The following PDE5A variants were observed in gnomAD, a reference collection of about 807,000 sequenced individuals.
PDE5A encodes phosphodiesterase 5A, also known as cGMP-specific 3',5'-cyclic phosphodiesterase.
In PDE5A, 67 loss-of-function variants were observed where a neutral mutation model predicts 110.2. That is an observed-to-expected ratio of 0.61 (90% CI 0.50 to 0.75). The LOEUF (loss-of-function observed/expected upper bound fraction) is 0.75, where lower values mean the gene tolerates loss of function less well. PDE5A is among the 30% of genes least tolerant of loss of function. PDE5A has a pLI of 0.00. For missense variants in PDE5A, 862 were observed against 1,045.1 expected (o/e 0.82, Z 2.42); for synonymous variants, 328 against 351.2 (o/e 0.93, Z 0.74).
chr4:119,606,975 T>A lies in PDE5A; in HGVS notation c.475A>T (p.Ile159Phe). The A allele has an allele frequency of 6.2e-7, 1 of 1,614,176 alleles. No individual in the cohort carries two copies. Among genetic ancestry groups the A allele is most frequent in the Non-Finnish European group, 8.5e-7 (1 of 1,180,036 alleles). Reference sequence around the variant, plus strand: ...GCTGTGACATCCAAATGACTAGAAATATCCTTCACTAATTCCAAGAGTCTT... The same window carrying A: ...GCTGTGACATCCAAATGACTAGAAAAATCCTTCACTAATTCCAAGAGTCTT... ...CSRLLELVKD[I>F]SSHLDVTALC... Residue 159 changes from isoleucine to phenylalanine, a missense_variant, in exon 2 of 21, where the codon ATT (isoleucine) becomes TTT (phenylalanine). Transcript: ENST00000354960.
intron 7 of PDE5A, among the ~76,000 whole-genome samples, chr4:119,559,760 T>A (rs1258490257): frequency 6.6e-6 from 1 of 152,180 alleles, no homozygotes; most frequent in Non-Finnish European, 1.5e-5. Context: ...CGGGATATAA[T>A]CTTCAATGCA....
intron 3 of PDE5A, among the ~76,000 whole-genome samples, chr4:119,590,630 TA>T (rs559147566): frequency 6.6e-6 from 1 of 152,264 alleles, no homozygotes; most frequent in African/African-American, 2.4e-5. Flanking sequence ...TCCTTACTTG[TA>T]AAAAAAGCAC....
At chr4:119,549,806 A>G (rs1410556205) in intron 9 of PDE5A, 1 of 152,214 alleles carries the variant, frequency 6.6e-6, no homozygotes, top group Non-Finnish European at 1.5e-5. Context: ...CCAGAGCACT[A>G]AGAAAACATT....
In PDE5A at chr4:119,498,331, G is replaced by A. The variant is rs201961968; in HGVS notation, c.*270C>T. Reference sequence around the variant, plus strand: ...ATACTGCATACACTTTGCAGTACACGAAATATCACAAACAATGCTTTTATC... The same window carrying A: ...ATACTGCATACACTTTGCAGTACACAAAATATCACAAACAATGCTTTTATC... On this transcript the variant is annotated 3_prime_UTR_variant, in exon 21 of 21. Transcript: ENST00000354960. The A allele has an allele frequency of 2.6e-4, 88 of 343,570 alleles. No individual in the cohort carries two copies. The highest frequency in any genetic ancestry group is 1.1e-4 in the Non-Finnish European group (20 of 186,774). 21.3% of individuals were successfully genotyped at this position (343,570 alleles called of 1,614,324 possible).
chr4:119,589,673 C>T (rs1402614798), intron 3 of PDE5A, among the ~76,000 whole-genome samples: 3 of 151,984 alleles, frequency 2.0e-5, no homozygotes, highest in Non-Finnish European at 4.4e-5. Context: ...AGCAGATTGG[C>T]TCAGATTAGT....
chr4:119,524,796 C>T (rs1344453045), intron 12 of PDE5A, among the ~76,000 whole-genome samples: 1 of 151,972 alleles, frequency 6.6e-6, no homozygotes, highest in African/African-American at 2.4e-5. Flanking sequence ...TTTAAATAGT[C>T]CTTTCTGCTG....
intron 3 of PDE5A, among the ~76,000 whole-genome samples, chr4:119,567,681 T>A (rs1727991281): frequency 6.6e-6 from 1 of 152,148 alleles, no homozygotes; most frequent in Admixed American, 6.6e-5. Flanking sequence ...TTTCTGCCCT[T>A]GAAAATTATT....
rs761239684 is a variant in PDE5A, at chr4:119,498,631, A to G, written c.2598T>C (p.Asn866=). Residue 866 remains asparagine (N), a synonymous_variant, in exon 21 of 21, where the codon AAT becomes AAC. Transcript: ENST00000354960. ...LAEQQEKMLI[N]GESGQAKRN ...TCCGCTTGGCCTGGCCGCTTTCCCC[A>G]TTAATCAGCATCTTCTCCTGCTGTT... 1.9e-6 allele frequency: 3 copies of G among 1,614,010 alleles called. No homozygotes were observed. Among genetic ancestry groups the G allele is most frequent in the Admixed American group, 1.7e-5 (1 of 59,996 alleles).
chr4:119,580,208 C>T (rs1393763306), intron 3 of PDE5A, among the ~76,000 whole-genome samples: 2 of 152,078 alleles, frequency 1.3e-5, no homozygotes, highest in Non-Finnish European at 2.9e-5. Flanking sequence ...AAAAAAATCC[C>T]CCTCCTGCCA....
intron 19 of PDE5A, among the ~76,000 whole-genome samples, chr4:119,502,012 A>C (rs748826352): frequency 4.6e-5 from 7 of 152,142 alleles, no homozygotes; most frequent in Non-Finnish European, 8.8e-5. Flanking sequence ...TGAACAAAGG[A>C]GTAAACAAGT....
At chr4:119,602,501 A>G (rs1560636339) in intron 2 of PDE5A, among the ~76,000 whole-genome samples, 2 of 152,218 alleles carry the variant, frequency 1.3e-5, no homozygotes, top group Non-Finnish European at 2.9e-5. Flanking sequence ...CACAGAGTGG[A>G]ATTTTTAAGA....
intron 6 of PDE5A, among the ~76,000 whole-genome samples, chr4:119,561,071 C>T (rs28622960): frequency 0.023 from 3,444 of 152,174 alleles, 135 homozygotes; most frequent in African/African-American, 0.078. Context: ...CAGTGAGCTG[C>T]GATGGTGAGA....
chr4:119,501,611 C>CAATG (rs1234732026), intron 19 of PDE5A, among the ~76,000 whole-genome samples: 2 of 152,172 alleles, frequency 1.3e-5, no homozygotes, highest in African/African-American at 4.8e-5. Context: ...TTAAAGAACA[C>CAATG]AAAGCTGGCT....
At chr4:119,509,241 C>G (rs1282066539) in intron 15 of PDE5A, among the ~76,000 whole-genome samples, 1 of 152,070 alleles carries the variant, frequency 6.6e-6, no homozygotes, top group Non-Finnish European at 1.5e-5. Flanking sequence ...GAATTGGTTC[C>G]TCTGGAAGTA....
chr4:119,593,892 C>T (rs1043893195), intron 3 of PDE5A, among the ~76,000 whole-genome samples: 1 of 152,060 alleles, frequency 6.6e-6, no homozygotes, highest in African/African-American at 2.4e-5. Flanking sequence ...ACACCTTGGG[C>T]GGCAGGATGG....
chr4:119,626,875 T>C (rs886511671), intron 1 of PDE5A, among the ~76,000 whole-genome samples: 2 of 151,984 alleles, frequency 1.3e-5, no homozygotes, highest in Non-Finnish European at 2.9e-5. Flanking sequence ...CAAAAAACCC[T>C]GAAAGTGACT....
chr4:119,551,907 C>G (rs919708650), intron 9 of PDE5A: 1 of 152,100 alleles, frequency 6.6e-6, no homozygotes, highest in Admixed American at 6.6e-5. Flanking sequence ...AGAATGTTAA[C>G]AGTCCAGACC....
At chr4:119,520,635 A>T (rs1457370904) in intron 13 of PDE5A, among the ~76,000 whole-genome samples, 1 of 152,080 alleles carries the variant, frequency 6.6e-6, no homozygotes, top group Non-Finnish European at 1.5e-5. Flanking sequence ...TTTTCTTAAT[A>T]AGGCAGTGTT....
At chr4:119,517,482 C>A (rs962819111) in intron 14 of PDE5A, among the ~76,000 whole-genome samples, 4 of 148,830 alleles carry the variant, frequency 2.7e-5, no homozygotes, top group African/African-American at 9.8e-5. Context: ...AAATAAAAAT[C>A]TTTGAAACTG....
Sources: gnomAD v4.1 joint callset for allele counts (sites outside exome capture counted in the v4.1 genomes callset) on GRCh38, gnomAD v4.1.1 for gene constraint, MANE v1.5 for transcripts, NCBI Gene and HGNC (gene_info 2026-07-23, HGNC 2026-07-21) for gene names.